The following NRP1 variants were observed in gnomAD, a reference collection of about 807,000 sequenced individuals.
The protein encoded by NRP1 is neuropilin 1, also known as neuropilin-1.
A neutral mutation model predicts 106.7 loss-of-function variants in NRP1; 35 were observed. The observed-to-expected ratio is 0.33, with a 90% CI of 0.25 to 0.43. NRP1 has a LOEUF of 0.43. Ranked by LOEUF, NRP1 falls within the 20% of genes least tolerant of loss-of-function variation. The pLI, the probability that NRP1 is intolerant of heterozygous loss-of-function variation, is 1.00. For missense variants in NRP1, 1,024 were observed against 1,170.4 expected (o/e 0.87, Z 1.83); for synonymous variants, 437 against 417.9 (o/e 1.05, Z -0.56).
intron 10 of NRP1, among the ~76,000 whole-genome samples, chr10:33,206,864 G>A (rs1322297368): frequency 1.3e-5 from 2 of 152,214 alleles, no homozygotes; most frequent in African/African-American, 4.8e-5. Context: ...CATGGGGTCA[G>A]TGCGTGGACT....
intron 13 of NRP1, among the ~76,000 whole-genome samples, chr10:33,186,850 G>C (rs117130553): frequency 5.3e-5 from 5 of 94,084 alleles, no homozygotes; most frequent in African/African-American, 1.6e-4. Context: ...CTGGCTCTTA[G>C]AGAAACCTTA....
rs1836475930 is a variant in NRP1, at chr10:33,192,320, C to G, written c.2023G>C (p.Val675Leu). ...HDNHVQLKWS[V>L]LTSKTGPIQD... is the part of the protein sequence containing the mutation. Reference sequence around the variant, plus strand: ...ATGGGTCCCGTCTTGCTGGTCAACACACTCCACTTGAGCTGCACGTGATTG... The same window carrying G: ...ATGGGTCCCGTCTTGCTGGTCAACAGACTCCACTTGAGCTGCACGTGATTG... The change falls in exon 13 of 17, where the codon GTG (valine) becomes CTG (leucine). Residue 675 changes from valine (V) to leucine (L), a missense_variant. By Grantham distance (32) the Val-to-Leu change is conservative. Transcript: ENST00000374867. 1 of 1,613,712 alleles carries G rather than the reference C, an allele frequency of 6.2e-7. No homozygotes were observed. Among genetic ancestry groups the G allele is most frequent in the Non-Finnish European group, 8.5e-7 (1 of 1,179,842 alleles).
At chr10:33,209,501 G>A (rs1293707785) in intron 9 of NRP1, among the ~76,000 whole-genome samples, 1 of 152,104 alleles carries the variant, frequency 6.6e-6, no homozygotes, top group Non-Finnish European at 1.5e-5. Flanking sequence ...TTTAGAGATG[G>A]AGTCTTGCTC....
At chr10:33,182,365 T>C (rs1835738653) in intron 16 of NRP1, among the ~76,000 whole-genome samples, 1 of 152,182 alleles carries the variant, frequency 6.6e-6, no homozygotes, top group African/African-American at 2.4e-5. Flanking sequence ...TCTGTCTTTG[T>C]AGTGATAAAC....
chr10:33,325,927 T>C (rs1847858881), intron 2 of NRP1, among the ~76,000 whole-genome samples: 1 of 152,202 alleles, frequency 6.6e-6, no homozygotes, highest in African/African-American at 2.4e-5. Context: ...AGTCGGTAAG[T>C]AAGATTTTCT....
chr10:33,198,113 C>T, intron 11 of NRP1, among the ~76,000 whole-genome samples: 1 of 136,416 alleles, frequency 7.3e-6, no homozygotes, highest in African/African-American at 2.8e-5. Context: ...AATCTAATCT[C>T]TTAGCAATTT....
rs779821545 is a variant in NRP1, at chr10:33,259,382, C to A, written c.659-2911G>T. 1.4e-3 allele frequency among the ~76,000 whole-genome samples: 219 copies of A among 152,118 alleles called. 1 individual carries two copies. Among genetic ancestry groups the A allele is most frequent in the Non-Finnish European group, 1.9e-3 (130 of 68,024 alleles). On this transcript the variant is annotated intron_variant, in intron 4 of 16. Transcript: ENST00000374867. ...AGTATTGAATTTTCCTGAACAACAGCGAGACCTTAGCCTAGCAAGCTAATG... is the reference window on the plus strand; with the variant it reads ...AGTATTGAATTTTCCTGAACAACAGAGAGACCTTAGCCTAGCAAGCTAATG...
chr10:33,199,258 G>T (rs968223897), intron 11 of NRP1, among the ~76,000 whole-genome samples: 68 of 149,760 alleles, frequency 4.5e-4, no homozygotes, highest in Non-Finnish European at 3.9e-4. Context: ...GTGCAGTGGC[G>T]CCATCATGGC....
intron 6 of NRP1, among the ~76,000 whole-genome samples, chr10:33,231,951 A>G (rs1840171230): frequency 6.6e-6 from 1 of 152,184 alleles, no homozygotes; most frequent in African/African-American, 2.4e-5. Flanking sequence ...CCTCACCACT[A>G]TTGACATTAC....
At position 33,180,216 on chromosome 10, in the gene NRP1, C is replaced by G; in HGVS notation, c.2632G>C (p.Val878Leu). 1.2e-6 allele frequency: 2 copies of G among 1,614,136 alleles called. No individual in the cohort carries two copies. The highest frequency in any genetic ancestry group is 1.7e-6 in the Non-Finnish European group (2 of 1,180,028). ...TTATGCCAACAGGCACAGTACAGCA[C>G]GACCCCACAGACAGCCCCCAGGAGG... is the stretch of plus-strand genomic sequence containing the variant. ...GVLLGAVCGV[V>L]LYCACWHNGM... Residue 878 changes from valine (V) to leucine (L), a missense_variant, in exon 17 of 17, where the codon GTG becomes CTG. By Grantham distance (32) the Val-to-Leu change is conservative. Around this residue, in one of 5 missense-constraint regions of NRP1, gnomAD observed 164 missense variants for 161.4 expected, o/e 1.02. Coordinates refer to ENST00000374867, the MANE Select transcript of NRP1 (RefSeq NM_003873.7).
Position 33,221,738 on chromosome 10 carries a change from T to C in NRP1, c.1263A>G (p.Val421=), listed in dbSNP as rs142055060. The change falls in exon 8 of 17, where the codon GTA becomes GTG. Residue 421 remains valine, a synonymous_variant. Coordinates refer to ENST00000374867, the MANE Select transcript of NRP1 (RefSeq NM_003873.7). ...WETGISMRFE[V]YGCKITDYPC... is the part of the protein sequence containing the mutation. ...GCTTACCTGTTATCTTGCAACCGTA[T>C]ACTTCAAATCTCATAGATATGCCAG... The C allele has an allele frequency of 1.6e-5, 26 of 1,613,918 alleles. 1 individual carries two copies. The Middle Eastern group carries it at 4.9e-4, about 31-fold the overall frequency.
At chr10:33,220,611 A>G (rs1391827989) in intron 8 of NRP1, among the ~76,000 whole-genome samples, 2 of 152,150 alleles carry the variant, frequency 1.3e-5, no homozygotes, top group African/African-American at 2.4e-5. Flanking sequence ...AAACAAATGG[A>G]CAGGCTGGGC....
chr10:33,241,267 G>A (rs1206759539), intron 6 of NRP1, among the ~76,000 whole-genome samples: 2 of 152,100 alleles, frequency 1.3e-5, no homozygotes, highest in Non-Finnish European at 2.9e-5. Flanking sequence ...GCATTATTCC[G>A]TGCTCTGAAG....
intron 6 of NRP1, among the ~76,000 whole-genome samples, chr10:33,250,838 T>C (rs1001997575): frequency 6.6e-5 from 10 of 152,336 alleles, no homozygotes; most frequent in African/African-American, 1.9e-4. Flanking sequence ...TAGTGTCGTA[T>C]GAGTAGGACA....
chr10:33,313,919 A>C (rs1846802815), intron 2 of NRP1, among the ~76,000 whole-genome samples: 1 of 152,036 alleles, frequency 6.6e-6, no homozygotes, highest in African/African-American at 2.4e-5. Flanking sequence ...AACGTTTATT[A>C]GTTTATTACG....
In NRP1 at chr10:33,330,667, G is replaced by T. The variant is rs1848215942; in HGVS notation, c.248+41C>A. ...CCCCCGTAGACAGGCGTGACCACTAGATGGTGCTGTGGTGCCCTGTTCAAA... is the reference window on the plus strand; with the variant it reads ...CCCCCGTAGACAGGCGTGACCACTATATGGTGCTGTGGTGCCCTGTTCAAA... On this transcript the variant is annotated intron_variant, in intron 2 of 16. Coordinates refer to ENST00000374867, the MANE Select transcript of NRP1 (RefSeq NM_003873.7). The T allele has an allele frequency of 3.9e-6, 6 of 1,552,236 alleles. No homozygotes were observed. In the East Asian group the frequency reaches 1.4e-4, roughly 35 times the overall value.
At chr10:33,270,358 G>A (rs59523886) in intron 3 of NRP1, among the ~76,000 whole-genome samples, 24,964 of 143,010 alleles carry the variant, frequency 0.17, 2,196 homozygotes, top group African/African-American at 0.21. Flanking sequence ...ACAGAGTCTC[G>A]CTCTGTTGCC....
rs545111577 is a variant in NRP1, at chr10:33,296,080, G to A, written c.249-25224C>T. ...CTCATTTGTTGTATGGGAATACTAAGGGTAAAAAAATGTGTGAGTGAATTT... is the reference window on the plus strand; with the variant it reads ...CTCATTTGTTGTATGGGAATACTAAAGGTAAAAAAATGTGTGAGTGAATTT... On this transcript the variant is annotated intron_variant, in intron 2 of 16. Transcript: ENST00000374867. Among the ~76,000 whole-genome samples the A allele has an allele frequency of 3.9e-5, 6 of 152,272 alleles. No homozygotes were observed. The South Asian group carries it at 1.2e-3, about 32-fold the overall frequency.
chr10:33,267,671 A>G (rs1368478367), intron 3 of NRP1, among the ~76,000 whole-genome samples: 1 of 152,096 alleles, frequency 6.6e-6, no homozygotes, highest in Non-Finnish European at 1.5e-5. Flanking sequence ...GACCAAGGGA[A>G]GGATGGGAAC....
Sources: allele counts gnomAD v4.1 joint callset (sites outside exome capture counted in the v4.1 genomes callset), GRCh38; gene constraint gnomAD v4.1.1; regional missense constraint gnomAD v4.1.1; transcripts MANE v1.5; gene names NCBI Gene and HGNC (gene_info 2026-07-23, HGNC 2026-07-21).